MYO3B: variants seen among roughly 807,000 people sequenced by gnomAD.
The protein encoded by MYO3B is myosin IIIB, also known as myosin-IIIb.
In MYO3B, 156 loss-of-function variants were observed where a neutral mutation model predicts 174.6. The ratio of observed to expected loss-of-function variants is 0.89; its 90% CI spans 0.78 to 1.02. The LOEUF is 1.02. MYO3B is among the 50% of genes least tolerant of loss of function. The probability of loss-of-function intolerance (pLI) is 0.00; values close to 1 mark genes in which losing one functional copy is unlikely to be tolerated. For missense variants in MYO3B, 1,632 were observed against 1,639.4 expected, an observed-to-expected ratio of 1.00 and a Z score of 0.08; for synonymous variants, 563 against 569.1, an observed-to-expected ratio of 0.99 and a Z score of 0.15.
intron 32 of MYO3B, among the ~76,000 whole-genome samples, chr2:170,592,942 CTATA>C (rs141915191): frequency 0.026 from 3,920 of 151,448 alleles, 60 homozygotes; most frequent in Middle Eastern, 0.052. Flanking sequence ...ATATCTAGAT[CTATA>C]TATAGATATA....
chr2:170,179,468 C>G (rs974992006), intron 1 of MYO3B, among the ~76,000 whole-genome samples: 1 of 152,174 alleles, frequency 6.6e-6, no homozygotes, highest in Non-Finnish European at 1.5e-5. Flanking sequence ...GAAATGGGAC[C>G]TTTAAGAGGT....
chr2:170,209,265 G>A (rs2105355004), intron 3 of MYO3B, among the ~76,000 whole-genome samples: 1 of 152,262 alleles, frequency 6.6e-6, no homozygotes, highest in African/African-American at 2.4e-5. Context: ...CAAATTCTGG[G>A]GAAGCCAGGC....
At chr2:170,295,343 C>G (rs1307539598) in intron 7 of MYO3B, among the ~76,000 whole-genome samples, 1 of 146,420 alleles carries the variant, frequency 6.8e-6, no homozygotes. Flanking sequence ...TGTGTATATT[C>G]TATTGTATTG....
At chr2:170,396,385 A>G (rs16858354) in intron 16 of MYO3B, among the ~76,000 whole-genome samples, 2,438 of 152,260 alleles carry the variant, frequency 0.016, 63 homozygotes, top group African/African-American at 0.055. Flanking sequence ...GAATTTTGCC[A>G]TGAGTGTAAC....
rs1483965522 is a variant in MYO3B at position 170,405,588 on chromosome 2, CA to C, written c.2478del (p.Gly827GlufsTer38). The part of the protein sequence containing the change: ...NLRCKYFWRP[K>X]GVELCFGIQH... ...TACGATGCAAATACTTCTGGAGGCC[CA>C]AAGGAGTGGAACTGTGCTTTGGCAT... On this transcript the variant is annotated frameshift_variant, in exon 21 of 35. Transcript: ENST00000408978. LOFTEE classifies it high-confidence loss of function. 1.2e-6 allele frequency: 2 copies of C among 1,614,010 alleles called. No homozygotes were observed. Among genetic ancestry groups the C allele is most frequent in the Non-Finnish European group, 8.5e-7 (1 of 1,180,014 alleles).
At chr2:170,217,971 G>A (rs1377114277) in intron 6 of MYO3B, among the ~76,000 whole-genome samples, 3 of 152,206 alleles carry the variant, frequency 2.0e-5, no homozygotes, top group Admixed American at 2.0e-4. Context: ...GATGAGTCTT[G>A]CTCTGAAACA....
intron 8 of MYO3B, among the ~76,000 whole-genome samples, chr2:170,343,289 C>T (rs1477772395): frequency 2.0e-5 from 3 of 152,034 alleles, no homozygotes; most frequent in South Asian, 2.1e-4. Context: ...AAAAATTAGC[C>T]AGGCATGGTG....
At chr2:170,386,168 A>T in intron 12 of MYO3B, 21 bp from the exon 13 acceptor site, 1 of 1,610,350 alleles carries the variant, frequency 6.2e-7, no homozygotes, top group Non-Finnish European at 8.5e-7. Flanking sequence ...TCTTCACTTG[A>T]CGCTCCATTT....
intron 32 of MYO3B, among the ~76,000 whole-genome samples, chr2:170,649,131 AAAT>A (rs1429176464): frequency 1.4e-4 from 11 of 76,294 alleles, no homozygotes; most frequent in African/African-American, 2.4e-4. Flanking sequence ...AATGTATATA[AAAT>A]AATATATAAT....
chr2:170,569,008 A>G (rs1011545740), intron 32 of MYO3B, among the ~76,000 whole-genome samples: 1 of 152,208 alleles, frequency 6.6e-6, no homozygotes, highest in Non-Finnish European at 1.5e-5. Context: ...CCAGTCTGCC[A>G]TGTTGTTGCT....
chr2:170,372,104 G>T (rs1574866971), intron 9 of MYO3B, among the ~76,000 whole-genome samples: 1 of 107,778 alleles, frequency 9.3e-6, no homozygotes, highest in East Asian at 3.5e-4. Context: ...GGGCAACAGA[G>T]TGAGACCCTG....
chr2:170,629,723 G>A (rs771707806), intron 32 of MYO3B, among the ~76,000 whole-genome samples: 21 of 152,122 alleles, frequency 1.4e-4, no homozygotes, highest in Non-Finnish European at 2.5e-4. Context: ...GGTGGCACAT[G>A]CCTATAATCC....
chr2:170,286,787 A>C (rs1251739673), intron 7 of MYO3B, among the ~76,000 whole-genome samples: 2 of 152,102 alleles, frequency 1.3e-5, no homozygotes, highest in African/African-American at 4.8e-5. Context: ...GGTAAAAAAT[A>C]AACATAAAAT....
chr2:170,625,562 G>T (rs1696337135), intron 32 of MYO3B, among the ~76,000 whole-genome samples: 1 of 151,998 alleles, frequency 6.6e-6, no homozygotes. Context: ...CCTCATTTCT[G>T]CTCTGATCTT....
intron 32 of MYO3B, among the ~76,000 whole-genome samples, chr2:170,595,510 C>T (rs140255902): frequency 2.0e-5 from 3 of 152,216 alleles, no homozygotes; most frequent in African/African-American, 7.2e-5. Context: ...ATGAACATGG[C>T]TCACTGCAGC....
intron 7 of MYO3B, among the ~76,000 whole-genome samples, chr2:170,282,752 A>G (rs974843811): frequency 7.2e-5 from 11 of 152,096 alleles, no homozygotes; most frequent in Admixed American, 1.3e-4. Context: ...GTAGCGTGCT[A>G]GAGTGGGTGC....
intron 32 of MYO3B, among the ~76,000 whole-genome samples, chr2:170,619,483 T>G (rs902966763): frequency 6.6e-6 from 1 of 152,156 alleles, no homozygotes; most frequent in Admixed American, 6.5e-5. Flanking sequence ...CAAGGTCTGT[T>G]GTGAGGTTAC....
At chr2:170,487,584 G>A (rs1273532700) in intron 25 of MYO3B, among the ~76,000 whole-genome samples, 2 of 152,172 alleles carry the variant, frequency 1.3e-5, no homozygotes, top group Non-Finnish European at 2.9e-5. Context: ...GAAGGAATTT[G>A]TTTAAAGTCT....
chr2:170,620,889 A>T (rs1435680992), intron 32 of MYO3B, among the ~76,000 whole-genome samples: 2 of 151,568 alleles, frequency 1.3e-5, no homozygotes, highest in East Asian at 1.9e-4. Flanking sequence ...TGCCATACAA[A>T]TTTTTTTTTC....
Sources: gnomAD v4.1 joint callset for allele counts (sites outside exome capture counted in the v4.1 genomes callset) on GRCh38, gnomAD v4.1.1 for gene constraint, MANE v1.5 for transcripts, NCBI Gene and HGNC (gene_info 2026-07-23, HGNC 2026-07-21) for gene names.